The following THTPA variants were observed in gnomAD, a reference collection of about 807,000 sequenced individuals.
THTPA encodes the protein thiamine triphosphatase.
A neutral mutation model predicts 16.5 loss-of-function variants in THTPA; 16 were observed. That is an observed-to-expected ratio of 0.97 (90% CI 0.66 to 1.47). The LOEUF is 1.47. THTPA is among the 40% of genes most tolerant of loss of function. THTPA has a pLI of 0.00. For missense variants in THTPA, 281 were observed against 280.9 expected (o/e 1.00, Z 0.00); for synonymous variants, 110 against 115.5 (o/e 0.95, Z 0.30).
chr14:23,534,645 G>A, the THTPA span: 1 of 1,536,168 alleles, frequency 6.5e-7, no homozygotes, highest in Non-Finnish European at 8.7e-7. The surrounding 1 kb of genome is among the most constrained non-coding windows in gnomAD (Gnocchi z 4.5). Flanking sequence ...TGCCCCCGCT[G>A]TTCCCCATGG....
chr14:23,550,875 G>T, the THTPA span, among the ~76,000 whole-genome samples: 174 of 152,054 alleles, frequency 1.1e-3, 7 homozygotes, highest in South Asian at 0.036. Context: ...GCCGGCCGCG[G>T]TTCTCCCATC....
chr14:23,522,957 G>A, the THTPA span: 6 of 1,436,514 alleles, frequency 4.2e-6, no homozygotes, highest in Non-Finnish European at 5.5e-6. Context: ...AAGGTGAAAG[G>A]AAGGATGAAG....
At chr14:23,512,703 A>T in the THTPA span, 5 of 150,354 alleles carry the variant, frequency 3.3e-5, no homozygotes, top group Admixed American at 2.0e-4. Context: ...TGCTTTAAAA[A>T]ATATATATGT....
In THTPA at chr14:23,556,655, T is replaced by C. The variant is rs1313575947; in HGVS notation, c.-103T>C. The stretch of plus-strand genomic sequence containing the variant: ...ACACAGTGTGCCCCTCATAAGTTTT[T>C]CCAGGGAGGGGTTCTGTACTGAGTT... On this transcript the variant is annotated 5_prime_UTR_variant, in exon 1 of 2. Coordinates refer to ENST00000288014, the MANE Select transcript of THTPA (RefSeq NM_024328.6). The C allele has an allele frequency of 7.8e-7, 1 of 1,278,664 alleles. No individual in the cohort carries two copies. The highest frequency in any genetic ancestry group is 1.1e-6 in the Non-Finnish European group (1 of 941,758). The allele number at this position is 1,278,664 out of a possible 1,614,324, so 79.2% of individuals were successfully genotyped here. A position where few individuals can be genotyped will look rare whatever the true frequency, so the allele number is the denominator to read the frequency against.
the THTPA span, among the ~76,000 whole-genome samples, chr14:23,520,188 C>T: frequency 2.0e-5 from 3 of 152,266 alleles, no homozygotes; most frequent in South Asian, 2.1e-4. This position sits in a 1 kb window ranked among gnomAD's most constrained non-coding sequence, Gnocchi z 8.7. Context: ...CTTGCCCACC[C>T]CATCCCCTCA....
At chr14:23,524,910 T>G in the THTPA span, 4 of 1,536,300 alleles carry the variant, frequency 2.6e-6, no homozygotes, top group Non-Finnish European at 8.7e-7. The surrounding 1 kb of genome is among the most constrained non-coding windows in gnomAD (Gnocchi z 5.6). Flanking sequence ...CAGGAGAAAG[T>G]GGCGTGGCAA....
At chr14:23,540,887 T>C in the THTPA span, among the ~76,000 whole-genome samples, 1,527 of 152,256 alleles carry the variant, frequency 0.01, 26 homozygotes, top group African/African-American at 0.034. Context: ...GCTTTCCTTC[T>C]GTTCACCCCT....
the THTPA span, among the ~76,000 whole-genome samples, chr14:23,541,273 C>A: frequency 4.7e-5 from 7 of 150,200 alleles, no homozygotes; most frequent in Non-Finnish European, 8.9e-5. Flanking sequence ...AGGGCAGAAT[C>A]TTAGATGGAC....
the THTPA span, chr14:23,512,944 C>G: frequency 1.3e-5 from 2 of 151,508 alleles, no homozygotes; most frequent in African/African-American, 4.9e-5. Context: ...ACCCTGTTTT[C>G]CTCTTTTCGT....
At chr14:23,541,583 G>A in the THTPA span, among the ~76,000 whole-genome samples, 592 of 152,196 alleles carry the variant, frequency 3.9e-3, 1 homozygote, top group Non-Finnish European at 6.2e-3. Flanking sequence ...CACCACACCC[G>A]GCCAGGATTT....
At chr14:23,521,835 T>G in the THTPA span, 1 of 1,456,620 alleles carries the variant, frequency 6.9e-7, no homozygotes, top group African/African-American at 1.4e-5. Flanking sequence ...GGGTGGGAAC[T>G]GAACAGTTCC....
At chr14:23,541,287 ATT>A in the THTPA span, among the ~76,000 whole-genome samples, 39 of 129,988 alleles carry the variant, frequency 3.0e-4, no homozygotes, top group Admixed American at 5.4e-4. Flanking sequence ...GATGGACAGG[ATT>A]TTTTTTTTTT....
Position 23,559,725 on chromosome 14 carries a change from A to C in THTPA, c.*885A>C. 1 of 1,612,260 alleles carries C rather than the reference A, an allele frequency of 6.2e-7. No homozygotes were observed. Among genetic ancestry groups the C allele is most frequent in the Non-Finnish European group, 8.5e-7 (1 of 1,178,904 alleles). ...CCCCTGGGGTTTGGGACACAGGAGA[A>C]TTTCAGGCTGTGAGTGGAGACAGTT... On this transcript the variant is annotated 3_prime_UTR_variant, in exon 2 of 2. Coordinates refer to ENST00000288014, the MANE Select transcript of THTPA (RefSeq NM_024328.6).
At chr14:23,527,899 T>G in the THTPA span, 69 of 550,754 alleles carry the variant, frequency 1.3e-4, no homozygotes, top group Non-Finnish European at 1.9e-4. Context: ...CCGCCCCCAC[T>G]CCTTTTTTTT....
At chr14:23,527,878 G>GCAGCA in the THTPA span, 2 of 1,211,862 alleles carry the variant, frequency 1.7e-6, no homozygotes, top group Non-Finnish European at 2.3e-6. Context: ...TCCTTTGGAT[G>GCAGCA]CAGCACTGGC....
the THTPA span, chr14:23,522,630 G>T: frequency 6.5e-7 from 1 of 1,535,118 alleles, no homozygotes; most frequent in East Asian, 2.4e-5. Flanking sequence ...CCAGCAGGGG[G>T]CAATGGAAAG....
At chr14:23,529,873 A>G in the THTPA span, 1 of 1,208,216 alleles carries the variant, frequency 8.3e-7, no homozygotes, top group Non-Finnish European at 1.2e-6. Context: ...AAAGGGCAGG[A>G]AACTCAGTAG....
At chr14:23,526,842 C>G in the THTPA span, 1 of 1,527,736 alleles carries the variant, frequency 6.5e-7, no homozygotes, top group East Asian at 2.4e-5. Flanking sequence ...TGTTCCATTC[C>G]TTACCTGCTG....
chr14:23,557,611 C>CT (rs1447652876), intron 1 of THTPA, among the ~76,000 whole-genome samples: 1 of 152,196 alleles, frequency 6.6e-6, no homozygotes, highest in Admixed American at 6.5e-5. Context: ...CTCGTTTTCT[C>CT]TTTAACAGTA....
Sources: gnomAD v4.1 joint callset for allele counts (sites outside exome capture counted in the v4.1 genomes callset) on GRCh38, gnomAD v4.1.1 for gene constraint, Gnocchi (gnomAD v3.1) non-coding constraint, MANE v1.5 for transcripts, NCBI Gene and HGNC (gene_info 2026-07-23, HGNC 2026-07-21) for gene names.